The following CACNA1C variants were observed in gnomAD, a reference collection of about 807,000 sequenced individuals.
CACNA1C encodes voltage-dependent L-type calcium channel subunit alpha-1C.
A neutral mutation model predicts 229.0 loss-of-function variants in CACNA1C; 30 were observed. The ratio of observed to expected loss-of-function variants is 0.13; its 90% confidence interval spans 0.10 to 0.18. The LOEUF is 0.18. Ranked by LOEUF, CACNA1C falls within the 10% of genes least tolerant of loss-of-function variation. CACNA1C has a pLI of 1.00. For missense variants in CACNA1C, 1,658 were observed against 2,845.0 expected, an observed-to-expected ratio of 0.58 and a Z score of 9.49; for synonymous variants, 1,114 against 1,132.5, an observed-to-expected ratio of 0.98 and a Z score of 0.33.
chr12:2,356,781 C>T (rs375233881), intron 3 of CACNA1C, among the ~76,000 whole-genome samples: 3 of 152,336 alleles, frequency 2.0e-5, no homozygotes, highest in Non-Finnish European at 2.9e-5. Context: ...CGTGCCTCTC[C>T]CCAAATATAC....
At chr12:2,205,493 G>A (rs572259146) in intron 3 of CACNA1C, among the ~76,000 whole-genome samples, 2 of 152,232 alleles carry the variant, frequency 1.3e-5, no homozygotes, top group South Asian at 4.2e-4. Flanking sequence ...GGTGCTCTTG[G>A]CTCCTATAGC....
chr12:2,055,069 G>A (rs1443361756), intron 1 of CACNA1C, among the ~76,000 whole-genome samples: 1 of 152,238 alleles, frequency 6.6e-6, no homozygotes, highest in Admixed American at 6.5e-5. Context: ...GGGGATTGTG[G>A]CCTCCTTTGG....
rs894002556 is a variant in CACNA1C, at chr12:2,479,452, G to A, written c.758-6652G>A. 1.3e-5 allele frequency among the ~76,000 whole-genome samples: 2 copies of A among 152,170 alleles called. No individual in the cohort carries two copies. The highest frequency in any genetic ancestry group is 6.5e-5 in the Admixed American group (1 of 15,274). ...AATTCTAAGAGGAAGGACTTGTAGC[G>A]AAGCTTAGAATTTGCCCACCATCTA... On this transcript the variant is annotated intron_variant, in intron 5 of 46. Coordinates refer to ENST00000399655, the MANE Select transcript of CACNA1C (RefSeq NM_000719.7). The surrounding 1 kb of genome is among the most constrained non-coding windows in gnomAD (Gnocchi z 4.3).
At chr12:2,513,348 C>T (rs983828985) in intron 9 of CACNA1C, among the ~76,000 whole-genome samples, 1 of 152,242 alleles carries the variant, frequency 6.6e-6, no homozygotes, top group East Asian at 1.9e-4. Flanking sequence ...TTAAAAGGAA[C>T]AATGTGTGCC....
At chr12:2,640,110 G>A (rs779480837) in intron 30 of CACNA1C, among the ~76,000 whole-genome samples, 6 of 152,174 alleles carry the variant, frequency 3.9e-5, no homozygotes, top group East Asian at 1.9e-4. Context: ...TCATGCTGAG[G>A]ACACCATACA....
chr12:1,971,339 C>A lies in CACNA1C; in HGVS notation c.139+138C>A. 1 of 431,286 alleles carries A rather than the reference C, an allele frequency of 2.3e-6. No individual in the cohort carries two copies. The highest frequency in any genetic ancestry group is 3.8e-6 in the Non-Finnish European group (1 of 262,824). The allele number at this position is 431,286 out of a possible 1,614,324, so 26.7% of individuals were successfully genotyped here. A position where few individuals can be genotyped will look rare whatever the true frequency, so the allele number is the denominator to read the frequency against. On this transcript the variant is annotated intron_variant, in intron 1 of 46. Transcript: ENST00000682462. This position sits in a 1 kb window ranked among gnomAD's most constrained non-coding sequence, Gnocchi z 4.2. The stretch of plus-strand genomic sequence containing the variant: ...TATTTAATCAGGATTTACCACACAC[C>A]GTTGTAAAATTTTGCCTGTAACTGC...
At chr12:2,471,984 TTATTGTTATTATTTCCCTGCACA>T (rs961340927) in intron 5 of CACNA1C, among the ~76,000 whole-genome samples, 1 of 152,216 alleles carries the variant, frequency 6.6e-6, no homozygotes, top group Non-Finnish European at 1.5e-5. Context: ...TGGCCTGATA[TTATTGTTATTATTTCCCTGCACA>T]TAATGTTTCT....
chr12:2,621,075 T>C (rs2082973718), intron 29 of CACNA1C, among the ~76,000 whole-genome samples: 1 of 152,234 alleles, frequency 6.6e-6, no homozygotes, highest in Non-Finnish European at 1.5e-5. Flanking sequence ...TGCACCCCTC[T>C]GTAACTTCCA....
intron 3 of CACNA1C, among the ~76,000 whole-genome samples, chr12:2,156,683 A>G (rs1259838441): frequency 1.3e-5 from 2 of 152,202 alleles, no homozygotes; most frequent in Non-Finnish European, 2.9e-5. Context: ...CAGTTCCTCA[A>G]CCAGGTTTTT....
intron 6 of CACNA1C, among the ~76,000 whole-genome samples, chr12:2,490,144 A>G (rs1488893376): frequency 2.0e-5 from 3 of 152,268 alleles, no homozygotes; most frequent in African/African-American, 7.2e-5. Flanking sequence ...GATTTTAAAT[A>G]GCAGAGTGGC....
At position 2,597,611 on chromosome 12, in the gene CACNA1C, G is replaced by A. The variant is rs1484584536; in HGVS notation, c.2853+322G>A. 2.5e-6 allele frequency: 2 copies of A among 794,194 alleles called. No individual in the cohort carries two copies. Among genetic ancestry groups the A allele is most frequent in the African/African-American group, 3.4e-5 (2 of 58,344 alleles). The allele number at this position is 794,194 out of a possible 1,614,324, so 49.2% of individuals were successfully genotyped here. ...CACTCTCTCTTTTCTTTACTCCCAA[G>A]CCTGAAATTGGAAAAATGAGTGCCC... On this transcript the variant is annotated intron_variant, in intron 21 of 46. Transcript: ENST00000399655. This position sits in a 1 kb window ranked among gnomAD's most constrained non-coding sequence, Gnocchi z 4.3.
intron 3 of CACNA1C, among the ~76,000 whole-genome samples, chr12:2,271,891 C>A (rs1013473981): frequency 3.3e-5 from 5 of 151,948 alleles, no homozygotes; most frequent in Admixed American, 2.6e-4. Flanking sequence ...GTGAGACTGT[C>A]TAAAAAAAAA....
chr12:2,641,436 C>A, intron 30 of CACNA1C: 1 of 458,588 alleles, frequency 2.2e-6, no homozygotes, highest in South Asian at 2.5e-5. Context: ...TTCTAGGACA[C>A]ATAGATTAAA....
chr12:2,201,334 C>T (rs1032425608), intron 3 of CACNA1C, among the ~76,000 whole-genome samples: 6 of 152,326 alleles, frequency 3.9e-5, no homozygotes, highest in African/African-American at 1.4e-4. Context: ...GTTTGGTGTT[C>T]TTATGTGTTA....
At chr12:2,313,727 C>T (rs55834487) in intron 3 of CACNA1C, among the ~76,000 whole-genome samples, 4,783 of 152,166 alleles carry the variant, frequency 0.031, 181 homozygotes, top group African/African-American at 0.09. Flanking sequence ...CAGGTTGGAG[C>T]TAAGAGGGCC....
intron 11 of CACNA1C, 138 bp downstream of exon 11, chr12:2,557,115 G>A (rs778153341): frequency 7.5e-6 from 5 of 666,814 alleles, no homozygotes; most frequent in Admixed American, 5.2e-5. Flanking sequence ...ACTACTTTCT[G>A]TATGGCCATC....
intron 3 of CACNA1C, among the ~76,000 whole-genome samples, chr12:2,218,081 C>T (rs1465585290): frequency 6.6e-6 from 1 of 152,178 alleles, no homozygotes; most frequent in African/African-American, 2.4e-5. Flanking sequence ...ACCTTGGCAA[C>T]ACCAGATTCT....
chr12:2,394,689 G>T (rs112457600), intron 3 of CACNA1C, among the ~76,000 whole-genome samples: 230 of 152,298 alleles, frequency 1.5e-3, no homozygotes, highest in Non-Finnish European at 2.8e-3. Flanking sequence ...AGGGCCCCAG[G>T]TGTAGAGGGA....
At chr12:2,098,044 T>C (rs1437679293) in intron 1 of CACNA1C, among the ~76,000 whole-genome samples, 1 of 152,202 alleles carries the variant, frequency 6.6e-6, no homozygotes, top group Non-Finnish European at 1.5e-5. Context: ...AGAAGGAACG[T>C]GATTTGTCTG....
Sources: allele counts gnomAD v4.1 joint callset (sites outside exome capture counted in the v4.1 genomes callset), GRCh38; gene constraint gnomAD v4.1.1; non-coding constraint Gnocchi (gnomAD v3.1); transcripts MANE v1.5; gene names NCBI Gene and HGNC (gene_info 2026-07-23, HGNC 2026-07-21).